Variants in PSPC1 observed in about 807,000 individuals in gnomAD.
PSPC1 encodes paraspeckle component 1.
PSPC1 carries 14 observed loss-of-function variants against 51.6 expected under a neutral mutation model. That is an observed-to-expected ratio of 0.27 (90% CI 0.18 to 0.42). The LOEUF (loss-of-function observed/expected upper bound fraction) is 0.42. Ranked by LOEUF, PSPC1 falls within the 10% of genes least tolerant of loss-of-function variation. PSPC1 has a pLI of 1.00. For synonymous variants in PSPC1, 193 were observed against 231.9 expected (o/e 0.83, Z 1.53); for missense variants, 406 against 701.1 (o/e 0.58, Z 4.75).
chr13:19,729,638 T>TA (rs113820678), intron 6 of PSPC1, among the ~76,000 whole-genome samples: 2,934 of 145,600 alleles, frequency 0.02, 47 homozygotes, highest in African/African-American at 0.051. Context: ...ACCAAATGTT[T>TA]AAAAAAAAAA....
chr13:19,777,167 C>T (rs1409011888), intron 1 of PSPC1, among the ~76,000 whole-genome samples: 1 of 126,908 alleles, frequency 7.9e-6, no homozygotes, highest in Admixed American at 8.5e-5. Context: ...CACACCTGTA[C>T]ACCTGTAATC....
intron 6 of PSPC1, among the ~76,000 whole-genome samples, chr13:19,683,531 C>T (rs1306681172): frequency 6.6e-6 from 1 of 152,150 alleles, no homozygotes; most frequent in African/African-American, 2.4e-5. Context: ...CAAAGGAGCT[C>T]ATAAGACCTT....
At chr13:19,722,748 C>G (rs577878221) in intron 6 of PSPC1, among the ~76,000 whole-genome samples, 4 of 152,106 alleles carry the variant, frequency 2.6e-5, no homozygotes, top group African/African-American at 9.6e-5. Context: ...GAGCTGAGAT[C>G]GCGCCACTGT....
At chr13:19,774,554 C>G (rs959426305) in intron 1 of PSPC1, among the ~76,000 whole-genome samples, 2 of 152,138 alleles carry the variant, frequency 1.3e-5, no homozygotes, top group Non-Finnish European at 2.9e-5. Flanking sequence ...AATCCCAGCA[C>G]TTTGGGAGGC....
intron 7 of PSPC1, among the ~76,000 whole-genome samples, chr13:19,708,232 CAT>C (rs961835216): frequency 1.6e-4 from 24 of 152,300 alleles, no homozygotes; most frequent in African/African-American, 5.8e-4. Flanking sequence ...TCATTCCACA[CAT>C]GACTTAAGTT....
intron 5 of PSPC1, among the ~76,000 whole-genome samples, chr13:19,735,855 T>A (rs1001282918): frequency 2.0e-5 from 3 of 151,972 alleles, no homozygotes; most frequent in Admixed American, 6.6e-5. Flanking sequence ...CGCAGTCCCC[T>A]CTGTCACCCA....
intron 1 of PSPC1, among the ~76,000 whole-genome samples, chr13:19,777,722 C>G (rs1409104019): frequency 1.3e-5 from 2 of 152,002 alleles, no homozygotes; most frequent in Non-Finnish European, 2.9e-5. Context: ...CCAAGGCAGG[C>G]GGATCACAAG....
At chr13:19,725,858 G>A (rs754529581) in intron 6 of PSPC1, among the ~76,000 whole-genome samples, 3 of 152,144 alleles carry the variant, frequency 2.0e-5, no homozygotes, top group Non-Finnish European at 2.9e-5. Context: ...TGTTTGAACC[G>A]TGTTCTAAAG....
intron 3 of PSPC1, among the ~76,000 whole-genome samples, chr13:19,752,563 AT>A (rs958177120): frequency 4.0e-5 from 6 of 150,576 alleles, no homozygotes; most frequent in Admixed American, 6.7e-5. Flanking sequence ...TCCCCAGTCA[AT>A]TTTTTTTTCA....
Position 19,751,489 on chromosome 13 carries a change from C to G in PSPC1, c.771-22G>C, listed in dbSNP as rs559040450. ...TTCCCTAAATTAACATTAAAACATA[C>G]AGAAATGTATGCTTAAAAGGTAAAA... is the stretch of plus-strand genomic sequence containing the variant. On this transcript the variant is annotated intron_variant, in intron 3 of 8. Coordinates refer to ENST00000338910, the MANE Select transcript of PSPC1 (RefSeq NM_001354909.2). 9.6e-6 allele frequency: 14 copies of G among 1,452,244 alleles called. No homozygotes were observed. The East Asian group carries it at 2.7e-4, about 28-fold the overall frequency. The allele number at this position is 1,452,244 out of a possible 1,614,324, so 90.0% of individuals were successfully genotyped here.
At chr13:19,691,821 G>A (rs1719283626) in intron 6 of PSPC1, among the ~76,000 whole-genome samples, 1 of 152,072 alleles carries the variant, frequency 6.6e-6, no homozygotes, top group Admixed American at 6.5e-5. Flanking sequence ...AGAAGGCTGA[G>A]GCAGGACAAT....
At chr13:19,765,614 A>G (rs936440759) in intron 2 of PSPC1, among the ~76,000 whole-genome samples, 14 of 151,096 alleles carry the variant, frequency 9.3e-5, no homozygotes, top group African/African-American at 3.4e-4. Flanking sequence ...GGTGCCTACT[A>G]CTACACTCAG....
intron 6 of PSPC1, among the ~76,000 whole-genome samples, chr13:19,710,059 A>T (rs1045447443): frequency 6.6e-6 from 1 of 152,200 alleles, no homozygotes; most frequent in African/African-American, 2.4e-5. Context: ...TTAGGGAATT[A>T]TGCTAAAAAT....
At chr13:19,710,581 T>G (rs1881264323) in intron 6 of PSPC1, among the ~76,000 whole-genome samples, 1 of 152,222 alleles carries the variant, frequency 6.6e-6, no homozygotes, top group Non-Finnish European at 1.5e-5. Flanking sequence ...AGTTCCATTT[T>G]ATAATACGAA....
chr13:19,736,441 T>G (rs1330216577), intron 5 of PSPC1, among the ~76,000 whole-genome samples: 2 of 152,032 alleles, frequency 1.3e-5, no homozygotes, highest in South Asian at 4.2e-4. Context: ...CCCAGCACTT[T>G]GGGAGGCCGA....
chr13:19,684,556 C>A (rs1053953406), intron 6 of PSPC1, among the ~76,000 whole-genome samples: 1 of 152,150 alleles, frequency 6.6e-6, no homozygotes, highest in Non-Finnish European at 1.5e-5. Context: ...AAAAATAGCA[C>A]CTTACTGTTA....
At chr13:19,744,861 C>A (rs1429671320) in intron 4 of PSPC1, among the ~76,000 whole-genome samples, 1 of 152,198 alleles carries the variant, frequency 6.6e-6, no homozygotes, top group African/African-American at 2.4e-5. Context: ...CCGCGCCCGG[C>A]CCAACTAGAG....
At chr13:19,684,686 C>T (rs1877656042) in intron 6 of PSPC1, among the ~76,000 whole-genome samples, 2 of 152,124 alleles carry the variant, frequency 1.3e-5, no homozygotes, top group South Asian at 4.1e-4. Flanking sequence ...ACTCAAATAT[C>T]ACTGCAGTGT....
chr13:19,767,389 A>G (rs1052753920), intron 2 of PSPC1, among the ~76,000 whole-genome samples: 9 of 152,140 alleles, frequency 5.9e-5, no homozygotes, highest in African/African-American at 2.2e-4. Context: ...CCAGGAAACA[A>G]AATTTTTTAA....
Sources: allele counts gnomAD v4.1 joint callset (sites outside exome capture counted in the v4.1 genomes callset), GRCh38; gene constraint gnomAD v4.1.1; transcripts MANE v1.5; gene names NCBI Gene and HGNC (gene_info 2026-07-23, HGNC 2026-07-21).